GRXCR1: variants seen among roughly 807,000 people sequenced by gnomAD.
GRXCR1 encodes glutaredoxin and cysteine rich domain containing 1, also known as glutaredoxin domain-containing cysteine-rich protein 1.
A neutral mutation model predicts 27.3 loss-of-function variants in GRXCR1; 27 were observed. The observed-to-expected ratio is 0.99, with a 90% CI of 0.73 to 1.37. The LOEUF (loss-of-function observed/expected upper bound fraction) is 1.37. GRXCR1 is among the 40% of genes most tolerant of loss of function. The probability of loss-of-function intolerance (pLI) is 0.00; values close to 1 mark genes in which losing one functional copy is unlikely to be tolerated. For missense variants in GRXCR1, 379 were observed against 354.4 expected, an observed-to-expected ratio of 1.07 and a Z score of -0.56; for synonymous variants, 122 against 131.1, an observed-to-expected ratio of 0.93 and a Z score of 0.47.
At chr4:42,937,979 T>C (rs911198151) in intron 1 of GRXCR1, among the ~76,000 whole-genome samples, 1 of 152,040 alleles carries the variant, frequency 6.6e-6, no homozygotes, top group Non-Finnish European at 1.5e-5. Flanking sequence ...TATTGCTGAC[T>C]GCAGTCACCC....
intron 2 of GRXCR1, among the ~76,000 whole-genome samples, chr4:42,987,239 A>AT (rs1711782753): frequency 1.6e-5 from 1 of 64,158 alleles, no homozygotes; most frequent in African/African-American, 5.0e-5. Flanking sequence ...TTATATATAT[A>AT]TAATATATAA....
At chr4:43,018,168 G>C (rs1361331576) in intron 2 of GRXCR1, among the ~76,000 whole-genome samples, 1 of 152,140 alleles carries the variant, frequency 6.6e-6, no homozygotes. Context: ...GTAGGGAACA[G>C]GAGGCTTTGA....
intron 1 of GRXCR1, among the ~76,000 whole-genome samples, chr4:42,905,447 G>A (rs554867013): frequency 6.6e-6 from 1 of 152,316 alleles, no homozygotes; most frequent in African/African-American, 2.4e-5. Context: ...CTTCTGCTAT[G>A]AGCCACACGG....
chr4:42,969,904 C>A (rs903283695), intron 2 of GRXCR1, among the ~76,000 whole-genome samples: 1 of 152,104 alleles, frequency 6.6e-6, no homozygotes, highest in Non-Finnish European at 1.5e-5. Flanking sequence ...CAAGACAACT[C>A]CCTTCAATCT....
chr4:43,012,988 C>G (rs746445272), intron 2 of GRXCR1, among the ~76,000 whole-genome samples: 6 of 152,100 alleles, frequency 3.9e-5, no homozygotes, highest in Non-Finnish European at 7.3e-5. Flanking sequence ...GATAACATCT[C>G]ACAGTCAGAA....
chr4:42,935,996 A>G (rs1747450352), intron 1 of GRXCR1, among the ~76,000 whole-genome samples: 1 of 151,860 alleles, frequency 6.6e-6, no homozygotes, highest in South Asian at 2.1e-4. Flanking sequence ...TTGTGAAAGA[A>G]CACTTGTTGG....
intron 1 of GRXCR1, among the ~76,000 whole-genome samples, chr4:42,922,992 T>G (rs1747055274): frequency 6.6e-6 from 1 of 152,098 alleles, no homozygotes; most frequent in African/African-American, 2.4e-5. Flanking sequence ...GTCAAAATAG[T>G]CACTGACATC....
intron 1 of GRXCR1, among the ~76,000 whole-genome samples, chr4:42,941,435 A>T (rs1305219377): frequency 6.6e-6 from 1 of 152,046 alleles, no homozygotes; most frequent in Non-Finnish European, 1.5e-5. Context: ...ATGCCTATTG[A>T]GGAGGAATGA....
At chr4:42,894,740 T>A (rs958118505) in intron 1 of GRXCR1, among the ~76,000 whole-genome samples, 1 of 152,104 alleles carries the variant, frequency 6.6e-6, no homozygotes, top group Non-Finnish European at 1.5e-5. Context: ...TTTTACATAT[T>A]GGGGTGAGGT....
chr4:42,957,684 T>C (rs903446350), intron 1 of GRXCR1, among the ~76,000 whole-genome samples: 1 of 151,694 alleles, frequency 6.6e-6, no homozygotes, highest in Non-Finnish European at 1.5e-5. Flanking sequence ...CACTAATTCC[T>C]TCTTCTGCTT....
chr4:42,952,350 C>T (rs899551310), intron 1 of GRXCR1, among the ~76,000 whole-genome samples: 5 of 152,060 alleles, frequency 3.3e-5, no homozygotes, highest in African/African-American at 9.7e-5. Context: ...AGCTGAGAGC[C>T]GTTAGCAAGC....
chr4:42,918,848 C>T lies in GRXCR1; in HGVS notation c.384+25198C>T, dbSNP rs188491968. 2.4e-3 allele frequency among the ~76,000 whole-genome samples: 365 copies of T among 152,044 alleles called. 1 individual carries two copies. The highest frequency in any genetic ancestry group is 3.5e-3 in the Non-Finnish European group (235 of 68,000). ...AGATAGAAGAGCTCCTTTGATCTTC[C>T]TGTTTGGAAAATTAAAAAGCGAGTG... On this transcript the variant is annotated intron_variant, in intron 1 of 3. Coordinates refer to ENST00000399770, the MANE Select transcript of GRXCR1 (RefSeq NM_001080476.3).
intron 2 of GRXCR1, among the ~76,000 whole-genome samples, chr4:42,985,933 G>C (rs1187479963): frequency 6.6e-6 from 1 of 151,990 alleles, no homozygotes; most frequent in Non-Finnish European, 1.5e-5. Flanking sequence ...GAGAGTTTCT[G>C]GCCCTCAGGA....
intron 1 of GRXCR1, 140 bp downstream of exon 1, chr4:42,893,790 G>T (rs2109733731): frequency 1.2e-6 from 1 of 851,128 alleles, no homozygotes; most frequent in African/African-American, 1.7e-5. Context: ...CTAAGATACT[G>T]TCCTAACAGC....
chr4:42,980,764 T>C (rs1296335979), intron 2 of GRXCR1, among the ~76,000 whole-genome samples: 1 of 152,118 alleles, frequency 6.6e-6, no homozygotes, highest in Non-Finnish European at 1.5e-5. Context: ...CATTGACATC[T>C]ATATCTCCCT....
chr4:43,013,733 A>T (rs1013878545), intron 2 of GRXCR1, among the ~76,000 whole-genome samples: 1 of 152,222 alleles, frequency 6.6e-6, no homozygotes, highest in Non-Finnish European at 1.5e-5. Flanking sequence ...TAAATAGAAC[A>T]GTCTTCTGGT....
chr4:42,942,171 C>A (rs905347479), intron 1 of GRXCR1, among the ~76,000 whole-genome samples: 6 of 151,686 alleles, frequency 4.0e-5, no homozygotes, highest in Non-Finnish European at 5.9e-5. Context: ...CTACAAAATG[C>A]AAGAGGAAGA....
chr4:42,980,229 A>T (rs546169249), intron 2 of GRXCR1, among the ~76,000 whole-genome samples: 23 of 150,918 alleles, frequency 1.5e-4, no homozygotes, highest in African/African-American at 5.3e-4. Flanking sequence ...GAAGTGTAAC[A>T]TTAGGTTGTT....
intron 3 of GRXCR1, among the ~76,000 whole-genome samples, chr4:43,027,969 C>A (rs6814320): frequency 6.6e-6 from 1 of 151,988 alleles, no homozygotes; most frequent in Non-Finnish European, 1.5e-5. Flanking sequence ...ATTAGCCAGG[C>A]GTGGTGACAT....
Sources: gnomAD v4.1 joint callset for allele counts (sites outside exome capture counted in the v4.1 genomes callset) on GRCh38, gnomAD v4.1.1 for gene constraint, MANE v1.5 for transcripts, NCBI Gene and HGNC (gene_info 2026-07-23, HGNC 2026-07-21) for gene names.